The following SEZ6L variants were observed in gnomAD, a reference collection of about 807,000 sequenced individuals.
SEZ6L encodes seizure 6-like protein.
Under a neutral mutation model 106.2 loss-of-function variants are expected in SEZ6L, and 37 were observed. That is an observed-to-expected ratio of 0.35 (90% confidence interval 0.27 to 0.46). SEZ6L has a LOEUF of 0.46. Among genes scored for constraint, SEZ6L ranks in the 20% least tolerant of loss-of-function variants. The pLI is 1.00. For synonymous variants in SEZ6L, 541 were observed against 570.4 expected (o/e 0.95, Z 0.73); for missense variants, 1,172 against 1,332.8 (o/e 0.88, Z 1.88).
At chr22:26,335,851 G>A (rs2082628129) in intron 9 of SEZ6L, among the ~76,000 whole-genome samples, 3 of 152,120 alleles carry the variant, frequency 2.0e-5, no homozygotes, top group Admixed American at 2.0e-4. Flanking sequence ...ACAAAAGAAA[G>A]ACACCTGCCA....
chr22:26,192,769 T>C (rs558696729), intron 1 of SEZ6L, among the ~76,000 whole-genome samples: 11 of 152,320 alleles, frequency 7.2e-5, no homozygotes, highest in Admixed American at 1.3e-4. Flanking sequence ...CCCTCCTGCA[T>C]TTCCCAGATC....
chr22:26,336,730 G>T (rs1051893788), intron 9 of SEZ6L, among the ~76,000 whole-genome samples: 4 of 152,122 alleles, frequency 2.6e-5, no homozygotes, highest in African/African-American at 9.7e-5. Flanking sequence ...GGGTTGAGGG[G>T]CTGTCTTGTG....
chr22:26,376,682 G>A (rs2084236590), intron 15 of SEZ6L, among the ~76,000 whole-genome samples: 1 of 152,160 alleles, frequency 6.6e-6, no homozygotes, highest in South Asian at 2.1e-4. Flanking sequence ...CTGGGAGGAG[G>A]AGGTTGCAGT....
At chr22:26,349,309 C>T (rs2083194723) in intron 11 of SEZ6L, among the ~76,000 whole-genome samples, 1 of 152,194 alleles carries the variant, frequency 6.6e-6, no homozygotes, top group Non-Finnish European at 1.5e-5. Flanking sequence ...GGTTAATCTC[C>T]TGTCTTGACA....
At chr22:26,200,588 C>G (rs536188826) in intron 1 of SEZ6L, among the ~76,000 whole-genome samples, 5 of 152,182 alleles carry the variant, frequency 3.3e-5, no homozygotes, top group African/African-American at 1.2e-4. Flanking sequence ...AGATGAGGAA[C>G]GCAATGTGGT....
intron 1 of SEZ6L, among the ~76,000 whole-genome samples, chr22:26,281,914 C>T (rs1050692926): frequency 6.6e-6 from 1 of 152,202 alleles, no homozygotes; most frequent in Admixed American, 6.5e-5. Context: ...CTCTCCTCTT[C>T]CGTGCATAGA....
chr22:26,315,308 T>C (rs2081966691), intron 9 of SEZ6L, among the ~76,000 whole-genome samples: 1 of 151,956 alleles, frequency 6.6e-6, no homozygotes. Context: ...AGAGGCATCC[T>C]GTCTCTTCAA....
rs1487475547 is a variant in SEZ6L, at chr22:26,383,213, G to A, written c.*2918G>A. 6.6e-6 allele frequency: 1 copy of A among 151,812 alleles called. No homozygotes were observed. Among genetic ancestry groups the A allele is most frequent in the Non-Finnish European group, 1.5e-5 (1 of 68,008 alleles). 9.4% of individuals were successfully genotyped at this position (151,812 alleles called of 1,614,324 possible). Reference sequence around the variant, plus strand: ...CCCTTGGAGAGCCTACAGAACCTCAGGCTGATAGCTTTGAAGACTGCCAAA... The same window carrying A: ...CCCTTGGAGAGCCTACAGAACCTCAAGCTGATAGCTTTGAAGACTGCCAAA... On this transcript the variant is annotated 3_prime_UTR_variant, in exon 17 of 17. Coordinates refer to ENST00000248933, the MANE Select transcript of SEZ6L (RefSeq NM_021115.5).
Position 26,250,690 on chromosome 22 carries a change from G to A in SEZ6L, c.95-41716G>A, listed in dbSNP as rs189462357. On this transcript the variant is annotated intron_variant, in intron 1 of 16. Coordinates refer to ENST00000248933, the MANE Select transcript of SEZ6L (RefSeq NM_021115.5). Reference sequence around the variant, plus strand: ...GAATTTTAGAACTTTTTCTATCTCTGTGAAGAATGTCATTGGTATTTTATA... The same window carrying A: ...GAATTTTAGAACTTTTTCTATCTCTATGAAGAATGTCATTGGTATTTTATA... Among the ~76,000 whole-genome samples the A allele has an allele frequency of 2.6e-5, 4 of 152,264 alleles. No individual in the cohort carries two copies. In the East Asian group the frequency reaches 5.8e-4, roughly 22 times the overall value.
intron 1 of SEZ6L, among the ~76,000 whole-genome samples, chr22:26,260,858 A>T (rs2079979616): frequency 6.6e-6 from 1 of 152,176 alleles, no homozygotes; most frequent in Admixed American, 6.5e-5. Flanking sequence ...GCAGTGTAGA[A>T]GTGTCCCCTT....
At chr22:26,288,666 G>A (rs537427889) in intron 1 of SEZ6L, among the ~76,000 whole-genome samples, 3 of 152,192 alleles carry the variant, frequency 2.0e-5, no homozygotes, top group East Asian at 1.9e-4. Flanking sequence ...TGCCTGATAC[G>A]GTTGAGAAGG....
intron 1 of SEZ6L, among the ~76,000 whole-genome samples, chr22:26,253,706 G>A (rs1212602019): frequency 6.6e-6 from 1 of 152,174 alleles, no homozygotes; most frequent in Non-Finnish European, 1.5e-5. Flanking sequence ...TGAGGGCAAT[G>A]TTGCCCCCAA....
At chr22:26,299,721 A>G (rs1425338286) in intron 5 of SEZ6L, among the ~76,000 whole-genome samples, 1 of 152,156 alleles carries the variant, frequency 6.6e-6, no homozygotes. Flanking sequence ...TGACCTGTTT[A>G]TTCGTTAGTA....
intron 1 of SEZ6L, among the ~76,000 whole-genome samples, chr22:26,201,382 C>CAAAAAAAAAAAAAAAAAAAAA (rs71192905): frequency 5.3e-5 from 4 of 75,316 alleles, no homozygotes; most frequent in Admixed American, 1.6e-4. Context: ...TACAAAAATA[C>CAAAAAAAAAAAAAAAAAAAAA]AAAAAAAAAA....
chr22:26,379,956 G>C (rs2084360616), intron 16 of SEZ6L, among the ~76,000 whole-genome samples: 2 of 152,172 alleles, frequency 1.3e-5, no homozygotes. Flanking sequence ...GTTGATGGAT[G>C]GGTGACTCAG....
chr22:26,240,055 TACACACATACAGACACACACAC>T (rs1569409772), intron 1 of SEZ6L, among the ~76,000 whole-genome samples: 2 of 129,658 alleles, frequency 1.5e-5, no homozygotes, highest in African/African-American at 5.8e-5. Flanking sequence ...AACACACACA[TACACACATACAGACACACACAC>T]ACACACACAC....
intron 6 of SEZ6L, among the ~76,000 whole-genome samples, chr22:26,308,626 A>G (rs1353297754): frequency 6.6e-6 from 1 of 152,082 alleles, no homozygotes; most frequent in East Asian, 1.9e-4. Flanking sequence ...GAAAGGTCGT[A>G]ATATGTACTA....
chr22:26,199,062 A>G (rs549649224), intron 1 of SEZ6L, among the ~76,000 whole-genome samples: 19 of 152,358 alleles, frequency 1.2e-4, no homozygotes, highest in African/African-American at 4.6e-4. Context: ...AGAGATTATC[A>G]GCTCTGGACA....
At chr22:26,325,123 GA>G (rs1403046177) in intron 9 of SEZ6L, among the ~76,000 whole-genome samples, 1 of 152,192 alleles carries the variant, frequency 6.6e-6, no homozygotes, top group Admixed American at 6.5e-5. Flanking sequence ...TGATTGGCCA[GA>G]GTTTCAAGAA....
Sources: allele counts gnomAD v4.1 joint callset (sites outside exome capture counted in the v4.1 genomes callset), GRCh38; gene constraint gnomAD v4.1.1; transcripts MANE v1.5; gene names NCBI Gene and HGNC (gene_info 2026-07-23, HGNC 2026-07-21).